The following ROCK1 variants were observed in gnomAD, a reference collection of about 807,000 sequenced individuals.
ROCK1 encodes Rho associated coiled-coil containing protein kinase 1.
A neutral mutation model predicts 196.8 loss-of-function variants in ROCK1; 36 were observed. The ratio of observed to expected loss-of-function variants is 0.18; its 90% CI spans 0.14 to 0.24. ROCK1 has a LOEUF of 0.24. Ranked by LOEUF, ROCK1 falls within the 10% of genes least tolerant of loss-of-function variation. The pLI is 1.00. For missense variants in ROCK1, 920 were observed against 1,562.0 expected, an observed-to-expected ratio of 0.59 and a Z score of 6.93; for synonymous variants, 443 against 515.9, an observed-to-expected ratio of 0.86 and a Z score of 1.91.
chr18:20,997,551 C>T (rs2035682609), intron 16 of ROCK1, among the ~76,000 whole-genome samples: 1 of 152,142 alleles, frequency 6.6e-6, no homozygotes, highest in South Asian at 2.1e-4. Context: ...GAGACTTCAA[C>T]TCCTCACTTT....
rs978484607 is a variant in ROCK1 at position 20,951,127 on chromosome 18, A to T, written c.*257T>A. On this transcript the variant is annotated 3_prime_UTR_variant, in exon 33 of 33. Transcript: ENST00000399799. ...CAAAAAGGCAGCACCTTTTAAAAAA[A>T]ATATATCTACCTAAGCTTTCCCCCA... The T allele has an allele frequency of 3.1e-5, 11 of 358,288 alleles. No homozygotes were observed. The highest frequency in any genetic ancestry group is 6.3e-5 in the African/African-American group (3 of 47,412). The allele number at this position is 358,288 out of a possible 1,614,324, so 22.2% of individuals were successfully genotyped here.
chr18:21,094,373 T>C (rs2036595102), intron 1 of ROCK1, among the ~76,000 whole-genome samples: 1 of 152,072 alleles, frequency 6.6e-6, no homozygotes. Flanking sequence ...AAGGGATTAA[T>C]AACTAGAATA....
chr18:20,973,359 T>C (rs542214848), intron 22 of ROCK1, among the ~76,000 whole-genome samples: 1 of 151,532 alleles, frequency 6.6e-6, no homozygotes, highest in East Asian at 2.0e-4. Context: ...CACACTGCAA[T>C]CTTCGCCTCC....
At chr18:21,014,543 C>A (rs897534225) in intron 13 of ROCK1, among the ~76,000 whole-genome samples, 1 of 152,182 alleles carries the variant, frequency 6.6e-6, no homozygotes, top group Non-Finnish European at 1.5e-5. Flanking sequence ...TCTAGCACAT[C>A]TGAATTTTAT....
chr18:21,077,135 G>A (rs1420171141), intron 1 of ROCK1, among the ~76,000 whole-genome samples: 8 of 151,326 alleles, frequency 5.3e-5, no homozygotes, highest in Non-Finnish European at 8.8e-5. Flanking sequence ...CACCGCGCCC[G>A]GCTAATTTTT....
chr18:21,010,562 A>T (rs2035807990), intron 13 of ROCK1, among the ~76,000 whole-genome samples: 1 of 152,110 alleles, frequency 6.6e-6, no homozygotes, highest in Non-Finnish European at 1.5e-5. Context: ...TGTTATTCTC[A>T]TCTGTACATT....
intron 32 of ROCK1, among the ~76,000 whole-genome samples, chr18:20,952,161 T>C (rs1160983568): frequency 6.6e-6 from 1 of 152,138 alleles, no homozygotes; most frequent in African/African-American, 2.4e-5. Flanking sequence ...GGAAGGTGCA[T>C]CACCTGAGGT....
At chr18:21,028,530 TAATTGTTGTAACTTG>T (rs1272731454) in intron 10 of ROCK1, among the ~76,000 whole-genome samples, 4 of 152,166 alleles carry the variant, frequency 2.6e-5, no homozygotes, top group Admixed American at 1.3e-4. Context: ...TTTGACCTAT[TAATTGTTGTAACTTG>T]AGGATATATA....
intron 4 of ROCK1, among the ~76,000 whole-genome samples, chr18:21,046,566 G>A (rs1293189045): frequency 1.3e-5 from 2 of 152,192 alleles, no homozygotes; most frequent in East Asian, 3.9e-4. Flanking sequence ...TAGGAGGAAG[G>A]CAGCAGCTAG....
At chr18:20,964,775 C>G (rs1177403001) in intron 27 of ROCK1, among the ~76,000 whole-genome samples, 1 of 152,192 alleles carries the variant, frequency 6.6e-6, no homozygotes, top group Non-Finnish European at 1.5e-5. Flanking sequence ...CTCAATAAGT[C>G]AATTTATTAG....
At chr18:20,958,170 A>T (rs987785529) in intron 29 of ROCK1, among the ~76,000 whole-genome samples, 1 of 152,218 alleles carries the variant, frequency 6.6e-6, no homozygotes, top group African/African-American at 2.4e-5. Flanking sequence ...TTTATGTATT[A>T]TTTCGCTTAA....
intron 4 of ROCK1, among the ~76,000 whole-genome samples, chr18:21,048,465 T>C: frequency 6.6e-6 from 1 of 152,226 alleles, no homozygotes; most frequent in Non-Finnish European, 1.5e-5. Context: ...AATATACGAC[T>C]TCCCTCAAAT....
At position 21,067,097 on chromosome 18, in the gene ROCK1, T is replaced by G. The variant is rs1447268379; in HGVS notation, c.175+3435A>C. On this transcript the variant is annotated intron_variant, in intron 2 of 32. Transcript: ENST00000399799. Reference sequence around the variant, plus strand: ...TCATAAATACTTGATATTGTCAGTTTAGAAAGTTTTAATCATTCTAATAGA... The same window carrying G: ...TCATAAATACTTGATATTGTCAGTTGAGAAAGTTTTAATCATTCTAATAGA... Among the ~76,000 whole-genome samples the G allele has an allele frequency of 2.0e-5, 3 of 152,234 alleles. No individual in the cohort carries two copies. The South Asian group carries it at 6.2e-4, about 31-fold the overall frequency.
intron 1 of ROCK1, among the ~76,000 whole-genome samples, chr18:21,071,181 CTTTTT>C (rs11344426): frequency 3.3e-5 from 3 of 90,388 alleles, no homozygotes; most frequent in Non-Finnish European, 4.5e-5. Flanking sequence ...ATTTTTTCTG[CTTTTT>C]TTTTTTTTTT....
chr18:21,027,600 G>A (rs1158063372), intron 10 of ROCK1, among the ~76,000 whole-genome samples: 1 of 152,014 alleles, frequency 6.6e-6, no homozygotes, highest in African/African-American at 2.4e-5. Context: ...ATCCTATGAG[G>A]TAAGTAGGCA....
chr18:21,042,593 A>G lies in ROCK1; in HGVS notation c.792T>C (p.Val264=). 1 of 1,613,848 alleles carries G rather than the reference A, an allele frequency of 6.2e-7. No individual in the cohort carries two copies. Among genetic ancestry groups the G allele is most frequent in the Non-Finnish European group, 8.5e-7 (1 of 1,179,844 alleles). Residue 264 remains valine, a synonymous_variant, in exon 7 of 33, where the codon GTT becomes GTC. Transcript: ENST00000399799. ...CAAGCATTTCGTATAAAAATACCCC[A>G]ACCGACCACCAGTCACATTCTCTTC... ...YYGRECDWWS[V]GVFLYEMLVG...
At position 20,947,148 on chromosome 18, in the gene ROCK1, A is replaced by G. The variant is rs952646935; in HGVS notation, c.*4236T>C. Reference sequence around the variant, plus strand: ...ACAATTCATTAACATTTGGCAAAAGAAAGGAGATATTTAATCTCTTTGTAT... The same window carrying G: ...ACAATTCATTAACATTTGGCAAAAGGAAGGAGATATTTAATCTCTTTGTAT... On this transcript the variant is annotated 3_prime_UTR_variant, in exon 33 of 33. Transcript: ENST00000399799. The G allele has an allele frequency of 1.3e-5, 2 of 152,232 alleles. No individual in the cohort carries two copies. The highest frequency in any genetic ancestry group is 2.9e-5 in the Non-Finnish European group (2 of 68,040). 9.4% of individuals were successfully genotyped at this position (152,232 alleles called of 1,614,324 possible).
rs2035521753 is a variant in ROCK1 at position 20,980,540 on chromosome 18, G to GT, written c.2560-537_2560-536insA. 3.3e-5 allele frequency among the ~76,000 whole-genome samples: 5 copies of GT among 152,292 alleles called. 1 individual carries two copies. In the South Asian group the frequency reaches 1.0e-3, roughly 32 times the overall value. ...GTGAAAAAAAAATGTTCCACATGTT[G>GT]ACTGTGGTGGTGGTCACACAGATGT... On this transcript the variant is annotated intron_variant, in intron 21 of 32. Coordinates refer to ENST00000399799, the MANE Select transcript of ROCK1 (RefSeq NM_005406.3).
intron 4 of ROCK1, among the ~76,000 whole-genome samples, chr18:21,046,467 G>A (rs187605348): frequency 6.6e-6 from 1 of 152,284 alleles, no homozygotes; most frequent in East Asian, 1.9e-4. Context: ...TGTTAAAAAA[G>A]ATTACTGAAT....
Sources: allele counts gnomAD v4.1 joint callset (sites outside exome capture counted in the v4.1 genomes callset), GRCh38; gene constraint gnomAD v4.1.1; transcripts MANE v1.5; gene names NCBI Gene and HGNC (gene_info 2026-07-23, HGNC 2026-07-21).